Variants in COL6A1 observed in about 807,000 individuals in gnomAD.
COL6A1 encodes the protein collagen type VI alpha 1 chain, also known as collagen alpha-1(VI) chain.
In COL6A1, 80 loss-of-function variants were observed where a neutral mutation model predicts 145.6. That is an observed-to-expected ratio of 0.55 (90% CI 0.46 to 0.66). COL6A1 has a LOEUF of 0.66. Ranked by LOEUF, COL6A1 falls within the 30% of genes least tolerant of loss-of-function variation. The probability of loss-of-function intolerance (pLI) is 0.00; values close to 1 mark genes in which losing one functional copy is unlikely to be tolerated. For missense variants in COL6A1, 1,364 were observed against 1,473.8 expected, an observed-to-expected ratio of 0.93 and a Z score of 1.22; for synonymous variants, 638 against 622.8, an observed-to-expected ratio of 1.02 and a Z score of -0.36.
rs569642530 is a variant in COL6A1, at chr21:45,987,025, G to A, written c.670G>A (p.Ala224Thr). The A allele has an allele frequency of 4.8e-5, 75 of 1,551,614 alleles. No homozygotes were observed. The highest frequency in any genetic ancestry group is 1.2e-4 in the East Asian group (5 of 41,120). The change falls in exon 5 of 35, where the codon GCA becomes ACA. Residue 224 changes from alanine to threonine, a missense_variant. By Grantham distance (58) the Ala-to-Thr change is moderately conservative. Transcript: ENST00000361866. ...TAADWGQSRD[A>T]EEAISQTIDT... ...GGCTGACTGGGGCCAGAGCCGCGAC[G>A]CAGAGGAGGCCATCAGCCAGACCAT...
rs996275520 is a variant in COL6A1, at chr21:45,990,154, C to T, written c.931-104C>T. 3.0e-5 allele frequency: 42 copies of T among 1,380,416 alleles called. No individual in the cohort carries two copies. The South Asian group carries it at 3.1e-4, about 10-fold the overall frequency. The allele number at this position is 1,380,416 out of a possible 1,614,324, so 85.5% of individuals were successfully genotyped here. A position where few individuals can be genotyped will look rare whatever the true frequency, so the allele number is the denominator to read the frequency against. The stretch of plus-strand genomic sequence containing the variant: ...ATTCTCAGCAGTGATGTTGTCCCCT[C>T]GGGTTGGGGGCACCCAAGCCCCTGC... On this transcript the variant is annotated intron_variant, in intron 11 of 34. Transcript: ENST00000361866.
At chr21:45,984,729 G>A (rs1274670916) in intron 3 of COL6A1, among the ~76,000 whole-genome samples, 2 of 151,726 alleles carry the variant, frequency 1.3e-5, no homozygotes, top group African/African-American at 4.9e-5. Flanking sequence ...GAGAGACAGA[G>A]ACAAAGAGTG....
At chr21:45,999,999 T>TG (rs1556430376) in intron 27 of COL6A1, among the ~76,000 whole-genome samples, 21 of 3,472 alleles carry the variant, frequency 6.0e-3, no homozygotes, top group East Asian at 8.3e-3. Context: ...GTGAGGATCA[T>TG]GGGGGACCCG....
chr21:45,985,197 GAGAC>G (rs1365800598), intron 3 of COL6A1, among the ~76,000 whole-genome samples: 28 of 151,402 alleles, frequency 1.8e-4, no homozygotes, highest in African/African-American at 2.7e-4. Context: ...GAGAGAAGCA[GAGAC>G]AGACAGAGGC....
intron 31 of COL6A1, 27 bp from the exon 32 acceptor site, chr21:46,002,191 C>T (rs755367682): frequency 3.0e-5 from 47 of 1,583,054 alleles, no homozygotes; most frequent in South Asian, 6.9e-5. Flanking sequence ...TGGCCCCAAC[C>T]GGCCCTTCCT....
chr21:45,986,744 C>T (rs1488431728), intron 4 of COL6A1, 59 bp downstream of exon 4: 6 of 1,528,660 alleles, frequency 3.9e-6, no homozygotes, highest in African/African-American at 2.8e-5. Context: ...GGCTGCAAGG[C>T]CCCCGGCAGC....
intron 16 of COL6A1, 45 bp downstream of exon 16, chr21:45,992,117 G>A: frequency 6.2e-7 from 1 of 1,613,608 alleles, no homozygotes; most frequent in Non-Finnish European, 8.5e-7. Flanking sequence ...ATGGGCCCAG[G>A]GAGGGTCAAG....
Position 45,982,769 on chromosome 21 carries a change from A to C in COL6A1, c.227+6A>C. ...ATCGACAACCTGAGGGACAGGTAGG[A>C]GGGACGCCCCGTGACCTTCCTCCTG... is the stretch of plus-strand genomic sequence containing the variant. On this transcript the variant is annotated splice_donor_region_variant and intron_variant, in intron 2 of 34. Coordinates refer to ENST00000361866, the MANE Select transcript of COL6A1 (RefSeq NM_001848.3). The C allele has an allele frequency of 6.2e-7, 1 of 1,611,760 alleles. No homozygotes were observed. Among genetic ancestry groups the C allele is most frequent in the South Asian group, 1.1e-5 (1 of 91,066 alleles).
chr21:45,986,390 C>T, intron 3 of COL6A1, 136 bp from the exon 4 acceptor site: 1 of 794,146 alleles, frequency 1.3e-6, no homozygotes, highest in Non-Finnish European at 2.1e-6. Flanking sequence ...CAGTAACCCC[C>T]ACCGTATAGC....
At position 45,990,378 on chromosome 21, in the gene COL6A1, GGA is replaced by G. The variant is rs1181239557; in HGVS notation, c.963_964del (p.Lys322GlyfsTer30). The part of the protein sequence containing the change: ...KGSRGPKGYK[G>X]EKGKRGIDGV... ...CTGCCTTCGTTTTCCCGCCTCACAGGGAGAGAAGGGCAAGCGTGGCATCGACG... is the reference window on the plus strand; with the variant it reads ...CTGCCTTCGTTTTCCCGCCTCACAGGGAGAAGGGCAAGCGTGGCATCGACG... On this transcript the variant is annotated frameshift_variant and splice_region_variant, in exon 13 of 35. Transcript: ENST00000361866. LOFTEE classifies it high-confidence loss of function. The G allele has an allele frequency of 6.3e-7, 1 of 1,596,746 alleles. No individual in the cohort carries two copies. The highest frequency in any genetic ancestry group is 1.7e-5 in the Admixed American group (1 of 57,828).
Position 45,992,171 on chromosome 21 carries a change from C to A in COL6A1, c.1190C>A (p.Pro397Gln). ...AACCCTTGTTCCCCACAGGGCCAGC[C>A]GGGAGAGCCTGGGCCCCCCGGAGAG... ...SSGPSGDEGQ[P>Q]GEPGPPGEKG... Residue 397 changes from proline (P) to glutamine (Q), a missense_variant, in exon 17 of 35, where the codon CCG becomes CAG. By Grantham distance (76) the Pro-to-Gln change is moderately conservative. Around this residue, in one of 3 missense-constraint regions of COL6A1, gnomAD observed 938 missense variants for 1,003.8 expected, o/e 0.93. Transcript: ENST00000361866. 1 of 1,613,668 alleles carries A rather than the reference C, an allele frequency of 6.2e-7. No individual in the cohort carries two copies. The highest frequency in any genetic ancestry group is 2.2e-5 in the East Asian group (1 of 44,874).
intron 26 of COL6A1, 134 bp from the exon 27 acceptor site, chr21:45,999,523 G>A: frequency 1.0e-6 from 1 of 998,976 alleles, no homozygotes; most frequent in Non-Finnish European, 1.5e-6. Flanking sequence ...TGGAGGACGA[G>A]GGGCTGGGTA....
At chr21:45,997,571 C>A in intron 21 of COL6A1, 88 bp downstream of exon 21, 1 of 1,540,848 alleles carries the variant, frequency 6.5e-7, no homozygotes. Context: ...GCCCCGTGCC[C>A]TCTGAGGACT....
intron 29 of COL6A1, 39 bp downstream of exon 29, chr21:46,000,806 G>C (rs771899850): frequency 1.2e-6 from 2 of 1,611,896 alleles, no homozygotes; most frequent in Non-Finnish European, 8.5e-7. Context: ...AATGGATCCC[G>C]GGGGTCGGGG....
At chr21:45,985,795 C>G (rs1165919062) in intron 3 of COL6A1, among the ~76,000 whole-genome samples, 2 of 152,212 alleles carry the variant, frequency 1.3e-5, no homozygotes, top group African/African-American at 4.8e-5. Context: ...CGGACATTCC[C>G]TTTCCAATGG....
At position 45,981,881 on chromosome 21, in the gene COL6A1, C is replaced by T; in HGVS notation, c.31C>T (p.Leu11=). The part of the protein sequence containing the change: MRAARALLPL[L]LQACWTAAQD... ...GGCGGCCCGTGCTCTGCTGCCCCTG[C>T]TGCTGCAGGCCTGCTGGACAGCCGC... The change falls in exon 1 of 35, where the codon CTG becomes TTG. Residue 11 remains leucine (L), a synonymous_variant. Coordinates refer to ENST00000361866, the MANE Select transcript of COL6A1 (RefSeq NM_001848.3). 1 of 1,601,584 alleles carries T rather than the reference C, an allele frequency of 6.2e-7. No homozygotes were observed. The highest frequency in any genetic ancestry group is 8.5e-7 in the Non-Finnish European group (1 of 1,175,938).
chr21:45,984,181 G>A, intron 2 of COL6A1, 88 bp from the exon 3 acceptor site: 1 of 1,305,744 alleles, frequency 7.7e-7, no homozygotes. Flanking sequence ...GGGGCAGCCT[G>A]TCCATCTGGG....
At chr21:45,991,964 G>A (rs965222917) in intron 15 of COL6A1, 46 bp from the exon 16 acceptor site, 1 of 1,546,576 alleles carries the variant, frequency 6.5e-7, no homozygotes, top group Admixed American at 2.0e-5. Context: ...CTGCACCCCT[G>A]GTGCACACCC....
At chr21:45,985,948 C>T (rs2077736696) in intron 3 of COL6A1, among the ~76,000 whole-genome samples, 1 of 152,226 alleles carries the variant, frequency 6.6e-6, no homozygotes, top group Non-Finnish European at 1.5e-5. Flanking sequence ...AAGCCACAGA[C>T]AGACACGACT....
Sources: allele counts gnomAD v4.1 joint callset (sites outside exome capture counted in the v4.1 genomes callset), GRCh38; gene constraint gnomAD v4.1.1; regional missense constraint gnomAD v4.1.1; transcripts MANE v1.5; gene names NCBI Gene and HGNC (gene_info 2026-07-23, HGNC 2026-07-21).